The following GRM7 variants were observed in gnomAD, a reference collection of about 807,000 sequenced individuals.
The protein encoded by GRM7 is metabotropic glutamate receptor 7.
In GRM7, 35 loss-of-function variants were observed where a neutral mutation model predicts 84.5. The observed-to-expected ratio is 0.41, with a 90% confidence interval of 0.32 to 0.55. The LOEUF (loss-of-function observed/expected upper bound fraction) is 0.55. Ranked by LOEUF, GRM7 falls within the 20% of genes least tolerant of loss-of-function variation. GRM7 has a pLI of 0.19. For synonymous variants in GRM7, 487 were observed against 455.1 expected (o/e 1.07, Z -0.89); for missense variants, 1,003 against 1,194.6 (o/e 0.84, Z 2.36).
At chr3:7,559,916 T>C (rs1331850533) in intron 7 of GRM7, among the ~76,000 whole-genome samples, 1 of 151,900 alleles carries the variant, frequency 6.6e-6, no homozygotes, top group Non-Finnish European at 1.5e-5. Flanking sequence ...GCCTTTCCTA[T>C]CTCCTCACCT....
chr3:6,895,788 A>G (rs775930763), intron 1 of GRM7, among the ~76,000 whole-genome samples: 2 of 152,210 alleles, frequency 1.3e-5, no homozygotes, highest in African/African-American at 2.4e-5. Flanking sequence ...TTATCCACAT[A>G]ATATTTAGCT....
chr3:7,444,558 A>C (rs1370747271), intron 5 of GRM7, among the ~76,000 whole-genome samples: 2 of 152,226 alleles, frequency 1.3e-5, no homozygotes, highest in African/African-American at 4.8e-5. Context: ...TACCCACAAC[A>C]AATTGCTCTT....
intron 1 of GRM7, among the ~76,000 whole-genome samples, chr3:6,960,340 T>C (rs1015476391): frequency 2.0e-5 from 3 of 152,166 alleles, no homozygotes; most frequent in Non-Finnish European, 2.9e-5. Context: ...TGACATCACT[T>C]TAGCACCTTT....
At chr3:7,528,303 G>A (rs957287466) in intron 7 of GRM7, among the ~76,000 whole-genome samples, 1 of 151,934 alleles carries the variant, frequency 6.6e-6, no homozygotes, top group African/African-American at 2.4e-5. Flanking sequence ...TTTCTTGTTT[G>A]TGTTTATAAA....
At chr3:6,989,331 AT>A (rs1694546528) in intron 1 of GRM7, among the ~76,000 whole-genome samples, 1 of 152,234 alleles carries the variant, frequency 6.6e-6, no homozygotes, top group South Asian at 2.1e-4. Context: ...GATCCATAAA[AT>A]CTGCATTTTT....
chr3:7,255,539 C>T (rs991751731), intron 2 of GRM7, among the ~76,000 whole-genome samples: 1 of 152,188 alleles, frequency 6.6e-6, no homozygotes, highest in Non-Finnish European at 1.5e-5. Context: ...TAATTATATG[C>T]TTTGGCAACA....
At chr3:7,211,538 T>G (rs1475583482) in intron 2 of GRM7, among the ~76,000 whole-genome samples, 1 of 151,840 alleles carries the variant, frequency 6.6e-6, no homozygotes, top group East Asian at 1.9e-4. Flanking sequence ...GTCAACCCAT[T>G]ACCTTTTGAG....
chr3:6,892,559 C>T (rs965845848), intron 1 of GRM7: 4 of 152,144 alleles, frequency 2.6e-5, no homozygotes, highest in African/African-American at 7.2e-5. Flanking sequence ...TAATATATTC[C>T]TGTCAGGGAC....
At chr3:7,530,671 G>C (rs1701002896) in intron 7 of GRM7, among the ~76,000 whole-genome samples, 1 of 152,110 alleles carries the variant, frequency 6.6e-6, no homozygotes, top group African/African-American at 2.4e-5. Flanking sequence ...TTGTGGTTTT[G>C]ATTTGCATTT....
At chr3:6,927,391 G>A (rs1451583904) in intron 1 of GRM7, among the ~76,000 whole-genome samples, 1 of 151,636 alleles carries the variant, frequency 6.6e-6, no homozygotes, top group Admixed American at 6.6e-5. Flanking sequence ...TCATGCCACT[G>A]CACTCCAGCC....
chr3:7,311,597 A>T (rs1412615778), intron 4 of GRM7, among the ~76,000 whole-genome samples: 10 of 144,454 alleles, frequency 6.9e-5, no homozygotes, highest in African/African-American at 7.8e-5. Context: ...GTTTCAATAC[A>T]TTTTTTTTTT....
intron 2 of GRM7, among the ~76,000 whole-genome samples, chr3:7,150,186 T>A (rs1157883711): frequency 6.6e-5 from 10 of 152,082 alleles, no homozygotes. Flanking sequence ...CTTCCATTGT[T>A]TCTGAACAGT....
intron 1 of GRM7, among the ~76,000 whole-genome samples, chr3:6,870,915 G>A (rs1695099792): frequency 6.6e-6 from 1 of 152,280 alleles, no homozygotes; most frequent in Non-Finnish European, 1.5e-5. Flanking sequence ...GGTTCCAGAA[G>A]TCTGTAGGTC....
intron 8 of GRM7, among the ~76,000 whole-genome samples, chr3:7,660,692 A>C (rs1699405189): frequency 6.6e-6 from 1 of 152,122 alleles, no homozygotes; most frequent in South Asian, 2.1e-4. Flanking sequence ...AGCTAAAACA[A>C]CTCTGAAGAA....
At chr3:7,071,513 T>C (rs1172599931) in intron 1 of GRM7, among the ~76,000 whole-genome samples, 3 of 152,048 alleles carry the variant, frequency 2.0e-5, no homozygotes, top group African/African-American at 7.2e-5. Flanking sequence ...GTTGGCATGC[T>C]TTAAAAACTT....
rs565560386 is a variant in GRM7 at position 7,538,980 on chromosome 3, A to T, written c.1516-39442A>T. On this transcript the variant is annotated intron_variant, in intron 7 of 9. Transcript: ENST00000357716. ...ACTGTGCATTTATGTTTCTGAGAGG[A>T]ACTCTCAGCAGCCCCACACCAAAAT... Among the ~76,000 whole-genome samples the T allele has an allele frequency of 8.0e-5, 11 of 137,134 alleles. No homozygotes were observed. The East Asian group carries it at 2.5e-3, about 32-fold the overall frequency. The allele number at this position is 137,134 out of a possible 152,430, so 90.0% of individuals were successfully genotyped here. A position where few individuals can be genotyped will look rare whatever the true frequency, so the allele number is the denominator to read the frequency against.
chr3:7,132,927 C>G (rs1310943053), intron 1 of GRM7, among the ~76,000 whole-genome samples: 1 of 152,184 alleles, frequency 6.6e-6, no homozygotes, highest in African/African-American at 2.4e-5. Flanking sequence ...CATAACACTC[C>G]ATTTTCAACC....
intron 4 of GRM7, among the ~76,000 whole-genome samples, chr3:7,323,892 C>G (rs1213096347): frequency 1.3e-5 from 2 of 152,154 alleles, no homozygotes; most frequent in African/African-American, 4.8e-5. Flanking sequence ...AGTTGGTTTA[C>G]TTTGCCCACT....
At chr3:6,933,122 T>G (rs1697568635) in intron 1 of GRM7, among the ~76,000 whole-genome samples, 1 of 152,156 alleles carries the variant, frequency 6.6e-6, no homozygotes, top group East Asian at 1.9e-4. Context: ...AAGCAAAACA[T>G]TTCCTTAAAT....
Sources: allele counts gnomAD v4.1 joint callset (sites outside exome capture counted in the v4.1 genomes callset), GRCh38; gene constraint gnomAD v4.1.1; transcripts MANE v1.5; gene names NCBI Gene and HGNC (gene_info 2026-07-23, HGNC 2026-07-21).